The following CA10 variants were observed in gnomAD, a reference collection of about 807,000 sequenced individuals.
CA10 encodes the protein carbonic anhydrase 10 (inactive).
A neutral mutation model predicts 44.2 loss-of-function variants in CA10; 14 were observed. That is an observed-to-expected ratio of 0.32 (90% CI 0.21 to 0.50). The LOEUF (loss-of-function observed/expected upper bound fraction) is 0.50. Ranked by LOEUF, CA10 falls within the 20% of genes least tolerant of loss-of-function variation. The probability of loss-of-function intolerance (pLI) is 0.99; values close to 1 mark genes in which losing one functional copy is unlikely to be tolerated. For synonymous variants in CA10, 159 were observed against 141.6 expected (o/e 1.12, Z -0.87); for missense variants, 350 against 409.7 (o/e 0.85, Z 1.26).
intron 3 of CA10, among the ~76,000 whole-genome samples, chr17:51,810,761 G>A (rs1907329425): frequency 6.6e-6 from 1 of 152,226 alleles, no homozygotes; most frequent in Non-Finnish European, 1.5e-5. Context: ...GTTCCCTGTT[G>A]AGAAAAAGTG....
At chr17:51,904,458 A>C (rs1487847077) in intron 3 of CA10, among the ~76,000 whole-genome samples, 4 of 152,034 alleles carry the variant, frequency 2.6e-5, no homozygotes, top group Non-Finnish European at 5.9e-5. Flanking sequence ...TCAATTAGCC[A>C]CTGCAGCGCA....
chr17:51,744,658 G>C (rs1904606162), intron 4 of CA10, among the ~76,000 whole-genome samples: 1 of 152,006 alleles, frequency 6.6e-6, no homozygotes, highest in African/African-American at 2.4e-5. Context: ...GTAATATGAA[G>C]TCACAATTTT....
At chr17:51,878,163 A>G (rs1042985114) in intron 3 of CA10, among the ~76,000 whole-genome samples, 7 of 145,584 alleles carry the variant, frequency 4.8e-5, no homozygotes, top group African/African-American at 8.2e-5. Flanking sequence ...AAAAAAAAAA[A>G]AAAAGAAAAA....
At chr17:51,836,704 T>C (rs1055437361) in intron 3 of CA10, among the ~76,000 whole-genome samples, 6 of 152,238 alleles carry the variant, frequency 3.9e-5, no homozygotes, top group South Asian at 4.1e-4. Flanking sequence ...GATCTCTCAG[T>C]GTATGAGGAA....
intron 3 of CA10, among the ~76,000 whole-genome samples, chr17:51,925,153 G>T (rs1219538073): frequency 1.3e-5 from 2 of 152,054 alleles, no homozygotes; most frequent in Non-Finnish European, 2.9e-5. Context: ...GCCTTCTGGG[G>T]AGCTGGGATT....
rs1386504422 is a variant in CA10, at chr17:51,631,531, C to T, written c.*53G>A. ...AGAAGGGGGACATTCTAGGTTACGT[C>T]AATTCACAGTTGTAGCATTTCACTG... is the stretch of plus-strand genomic sequence containing the variant. On this transcript the variant is annotated 3_prime_UTR_variant, in exon 9 of 9. Coordinates refer to ENST00000451037, the MANE Select transcript of CA10 (RefSeq NM_020178.5). The T allele has an allele frequency of 6.6e-7, 1 of 1,514,116 alleles. No homozygotes were observed. The highest frequency in any genetic ancestry group is 1.1e-5 in the South Asian group (1 of 88,592). The allele number at this position is 1,514,116 out of a possible 1,614,324, so 93.8% of individuals were successfully genotyped here. A position where few individuals can be genotyped will look rare whatever the true frequency, so the allele number is the denominator to read the frequency against.
At chr17:52,094,141 C>T (rs910727205) in intron 1 of CA10, among the ~76,000 whole-genome samples, 1 of 151,888 alleles carries the variant, frequency 6.6e-6, no homozygotes, top group Non-Finnish European at 1.5e-5. Flanking sequence ...CTGGAGCCTG[C>T]GGGGTGTGGG....
intron 3 of CA10, among the ~76,000 whole-genome samples, chr17:51,930,661 G>A (rs1248471007): frequency 6.6e-6 from 1 of 152,086 alleles, no homozygotes; most frequent in Non-Finnish European, 1.5e-5. Flanking sequence ...GCCTAGTAAA[G>A]CAGTTTCTTA....
intron 4 of CA10, among the ~76,000 whole-genome samples, chr17:51,688,498 A>G (rs1470087976): frequency 6.6e-6 from 1 of 152,236 alleles, no homozygotes; most frequent in South Asian, 2.1e-4. Context: ...TTTCTTGTCT[A>G]TAACATAGAA....
intron 1 of CA10, among the ~76,000 whole-genome samples, chr17:52,131,941 A>G (rs917582514): frequency 1.3e-5 from 2 of 151,932 alleles, no homozygotes; most frequent in South Asian, 4.2e-4. Flanking sequence ...GTTCTCACTC[A>G]TAGATGGGAA....
intron 1 of CA10, among the ~76,000 whole-genome samples, chr17:52,127,994 T>C (rs956848761): frequency 4.6e-5 from 7 of 152,152 alleles, no homozygotes; most frequent in African/African-American, 1.7e-4. Context: ...GTAAGATAGG[T>C]ATTGCTTTGA....
At chr17:51,720,909 T>C (rs1916330146) in intron 4 of CA10, among the ~76,000 whole-genome samples, 2 of 152,310 alleles carry the variant, frequency 1.3e-5, no homozygotes, top group South Asian at 4.1e-4. Context: ...ATTCTCACCA[T>C]AAAAAAATGA....
At chr17:51,815,685 T>C (rs753368324) in intron 3 of CA10, among the ~76,000 whole-genome samples, 1 of 152,132 alleles carries the variant, frequency 6.6e-6, no homozygotes, top group Non-Finnish European at 1.5e-5. Flanking sequence ...GTTCTTAAAC[T>C]TAAGTCCCTA....
At chr17:52,063,713 T>C (rs1452711615) in intron 2 of CA10, among the ~76,000 whole-genome samples, 1 of 152,166 alleles carries the variant, frequency 6.6e-6, no homozygotes, top group Non-Finnish European at 1.5e-5. Flanking sequence ...CCTCACCAGA[T>C]GCAGATGCTG....
At chr17:51,975,453 C>G (rs144137022) in intron 2 of CA10, among the ~76,000 whole-genome samples, 1 of 152,058 alleles carries the variant, frequency 6.6e-6, no homozygotes, top group East Asian at 1.9e-4. Flanking sequence ...CCAAGGCAGG[C>G]AAATCACCTG....
chr17:51,946,716 C>T (rs766369561), intron 2 of CA10, among the ~76,000 whole-genome samples: 1 of 152,178 alleles, frequency 6.6e-6, no homozygotes, highest in Non-Finnish European at 1.5e-5. Context: ...GTGATACTTT[C>T]TTCTTCCTCT....
chr17:51,711,095 G>A (rs190149587), intron 4 of CA10, among the ~76,000 whole-genome samples: 5 of 152,024 alleles, frequency 3.3e-5, no homozygotes, highest in African/African-American at 9.6e-5. Flanking sequence ...CAGAAAACGC[G>A]ACGTATAAAA....
intron 3 of CA10, among the ~76,000 whole-genome samples, chr17:51,820,496 G>A (rs1023840825): frequency 1.5e-5 from 2 of 130,616 alleles, no homozygotes; most frequent in East Asian, 4.8e-4. Context: ...TCTTTTTATT[G>A]AGAAAGTTCT....
intron 2 of CA10, among the ~76,000 whole-genome samples, chr17:52,031,158 T>TC (rs1250143759): frequency 6.6e-6 from 1 of 151,102 alleles, no homozygotes; most frequent in Non-Finnish European, 1.5e-5. Flanking sequence ...TTCAACTCTT[T>TC]TTTTTTTTTT....
Sources: allele counts gnomAD v4.1 joint callset (sites outside exome capture counted in the v4.1 genomes callset), GRCh38; gene constraint gnomAD v4.1.1; transcripts MANE v1.5; gene names NCBI Gene and HGNC (gene_info 2026-07-23, HGNC 2026-07-21).